Variants in KHK observed in about 807,000 individuals in gnomAD.
KHK encodes the protein ketohexokinase.
KHK carries 37 observed loss-of-function variants against 36.0 expected under a neutral mutation model. The ratio of observed to expected loss-of-function variants is 1.03; its 90% CI spans 0.79 to 1.35. The LOEUF is 1.35. Among genes scored for constraint, KHK ranks in the 40% most tolerant of loss-of-function variants. KHK has a pLI of 0.00. For missense variants in KHK, 395 were observed against 391.9 expected (o/e 1.01, Z -0.07); for synonymous variants, 161 against 162.8 (o/e 0.99, Z 0.08).
At position 27,099,905 on chromosome 2, in the gene KHK, A is replaced by G. The variant is rs1197134771; in HGVS notation, c.*155A>G. 1.3e-6 allele frequency: 2 copies of G among 1,502,360 alleles called. No individual in the cohort carries two copies. Among genetic ancestry groups the G allele is most frequent in the African/African-American group, 2.8e-5 (2 of 72,006 alleles). 93.1% of individuals were successfully genotyped at this position (1,502,360 alleles called of 1,614,324 possible). On this transcript the variant is annotated 3_prime_UTR_variant, in exon 8 of 8. Transcript: ENST00000260598. The stretch of plus-strand genomic sequence containing the variant: ...CCTGTGTCCTGTGTTCCCCACAGGG[A>G]GAGGCTCTGGGGGGATGGCTGGGGG...
At position 27,087,326 on chromosome 2, in the gene KHK, T is replaced by C. The variant is rs1489541241; in HGVS notation, c.67T>C (p.Tyr23His). The change falls in exon 1 of 8, where the codon TAC (tyrosine) becomes CAC (histidine). Residue 23 changes from tyrosine (Y) to histidine (H), a missense_variant. By Grantham distance (83) the Tyr-to-His change is moderately conservative (BLOSUM62 2). Transcript: ENST00000260598. ...VLDVISLVDK[Y>H]PKEDSEIRCL... ...GGACGTCATCAGCCTGGTGGACAAG[T>C]ACCCTAAGGAGGACTCGGAGATAAG... The C allele has an allele frequency of 6.3e-7, 1 of 1,598,514 alleles. No homozygotes were observed. The highest frequency in any genetic ancestry group is 1.7e-5 in the Admixed American group (1 of 57,976).
chr2:27,088,115 T>TG (rs1370553009), intron 1 of KHK: 1 of 145,258 alleles, frequency 6.9e-6, no homozygotes, highest in African/African-American at 2.6e-5. Context: ...TTTTTTTTTT[T>TG]TTTTTTTTTT....
At chr2:27,094,542 G>T in intron 2 of KHK, 1 of 1,614,086 alleles carries the variant, frequency 6.2e-7, no homozygotes, top group Non-Finnish European at 8.5e-7. Context: ...CAGACCACAG[G>T]CTCCGTCCCC....
rs201707861 is a variant in KHK, at chr2:27,097,585, G to T, written c.500G>T (p.Arg167Leu). The T allele has an allele frequency of 4.0e-5, 64 of 1,614,040 alleles. No homozygotes were observed. The South Asian group carries it at 4.4e-4, about 11-fold the overall frequency. The change falls in exon 5 of 8, where the codon CGG (arginine) becomes CTG (leucine). Residue 167 changes from arginine to leucine, a missense_variant. Transcript: ENST00000260598. ...NTRQPPEQKIRVSVEVEKPRE... is the reference protein window; with the variant it reads ...NTRQPPEQKILVSVEVEKPRE... ...AGGCAGCCTCCAGAGCAGAAGATCCGGGTGTCCGTGGAGGTGGAGAAGCCA... is the reference window on the plus strand; with the variant it reads ...AGGCAGCCTCCAGAGCAGAAGATCCTGGTGTCCGTGGAGGTGGAGAAGCCA...
At chr2:27,087,602 C>A (rs1669736905) in intron 1 of KHK, among the ~76,000 whole-genome samples, 1 of 147,554 alleles carries the variant, frequency 6.8e-6, no homozygotes, top group Admixed American at 6.6e-5. Context: ...TCAACTCAGG[C>A]ATCAGGTGTC....
chr2:27,100,104 G>A lies in KHK; in HGVS notation c.*354G>A, dbSNP rs1670718614. The A allele has an allele frequency of 3.5e-6, 2 of 574,970 alleles. No homozygotes were observed. The highest frequency in any genetic ancestry group is 6.2e-6 in the Non-Finnish European group (2 of 322,826). 35.6% of individuals were successfully genotyped at this position (574,970 alleles called of 1,614,324 possible). ...CAGAGGAGGGGCTGCCTGGGCTAGA[G>A]CAGCGAGAAGTGCCCTGGGCTTGCC... is the stretch of plus-strand genomic sequence containing the variant. On this transcript the variant is annotated 3_prime_UTR_variant, in exon 8 of 8. Transcript: ENST00000260598.
chr2:27,096,671 G>C (rs1027564327), intron 3 of KHK, 58 bp from the exon 4 acceptor site: 1 of 1,391,198 alleles, frequency 7.2e-7, no homozygotes, highest in South Asian at 1.2e-5. Context: ...TAGAGATCCT[G>C]GCTCTGCCTG....
At position 27,097,515 on chromosome 2, in the gene KHK, T is replaced by C; in HGVS notation, c.430T>C (p.Ser144Pro). ...TGTCCTGTACCAGGGCCGGAACGCA[T>C]CGGAGCAGGTGAAGATGCTGCAGCG... ...KWIHIEGRNA[S>P]EQVKMLQRID... Residue 144 changes from serine to proline, a missense_variant, in exon 5 of 8, where the codon TCG becomes CCG. Physicochemically the swap from Ser to Pro is moderately conservative, Grantham distance 74. Coordinates refer to ENST00000260598, the MANE Select transcript of KHK (RefSeq NM_006488.3). The C allele has an allele frequency of 1.2e-6, 2 of 1,613,694 alleles. No individual in the cohort carries two copies. Among genetic ancestry groups the C allele is most frequent in the Non-Finnish European group, 1.7e-6 (2 of 1,180,032 alleles).
At chr2:27,092,251 A>T in intron 1 of KHK, 81 bp from the exon 2 acceptor site, 1 of 1,080,572 alleles carries the variant, frequency 9.3e-7, no homozygotes, top group Non-Finnish European at 1.4e-6. Flanking sequence ...CCCAGCTGTT[A>T]CATTCTGTAG....
rs1670698055 is a variant in KHK at position 27,099,863 on chromosome 2, C to A, written c.*113C>A. ...GCCCTGTTCAGGGGACAGATGCAAG[C>A]TGTGGGGAGGACTCTGCCTGTGTCC... On this transcript the variant is annotated 3_prime_UTR_variant, in exon 8 of 8. Transcript: ENST00000260598. The A allele has an allele frequency of 5.8e-6, 9 of 1,551,392 alleles. No individual in the cohort carries two copies. Among genetic ancestry groups the A allele is most frequent in the Non-Finnish European group, 7.0e-6 (8 of 1,147,680 alleles).
Position 27,099,959 on chromosome 2 carries a change from C to T in KHK, c.*209C>T, listed in dbSNP as rs1670706896. Reference sequence around the variant, plus strand: ...CAGAGCCTCAGAGCAAATAAATCTTCCTCAGAGCCAGCTTCTCCTCTCAAT... The same window carrying T: ...CAGAGCCTCAGAGCAAATAAATCTTTCTCAGAGCCAGCTTCTCCTCTCAAT... On this transcript the variant is annotated 3_prime_UTR_variant, in exon 8 of 8. Transcript: ENST00000260598. 5.5e-6 allele frequency: 6 copies of T among 1,099,680 alleles called. 1 individual carries two copies. The highest frequency in any genetic ancestry group is 2.7e-5 in the South Asian group (2 of 73,680). The allele number at this position is 1,099,680 out of a possible 1,614,324, so 68.1% of individuals were successfully genotyped here. A position where few individuals can be genotyped will look rare whatever the true frequency, so the allele number is the denominator to read the frequency against.
chr2:27,092,766 T>C (rs116027523), intron 2 of KHK, among the ~76,000 whole-genome samples: 1,630 of 152,228 alleles, frequency 0.011, 25 homozygotes, highest in African/African-American at 0.037. Context: ...CTTTGCCTTA[T>C]CTTAAGTCCC....
rs754789918 is a variant in KHK at position 27,099,445 on chromosome 2, G to A, written c.679G>A (p.Glu227Lys). The A allele has an allele frequency of 6.8e-6, 11 of 1,613,716 alleles. No individual in the cohort carries two copies. The highest frequency in any genetic ancestry group is 2.2e-5 in the East Asian group (1 of 44,862). Residue 227 changes from glutamate (E) to lysine (K), a missense_variant, in exon 7 of 8, where the codon GAG becomes AAG. Glu to Lys is a moderately conservative substitution (Grantham distance 56). Transcript: ENST00000260598. ...KGAVLVCAWA[E>K]EGADALGPDG... ...GGCTGTGCTTGTCTGTGCCTGGGCT[G>A]AGGAGGGCGCCGACGCCCTGGGCCC...
intron 1 of KHK, among the ~76,000 whole-genome samples, chr2:27,088,579 AT>A (rs1014500680): frequency 6.7e-6 from 1 of 150,014 alleles, no homozygotes; most frequent in African/African-American, 2.4e-5. Flanking sequence ...TGCCCCACTA[AT>A]TTTTTTTTTC....
chr2:27,094,723 C>T (rs1670230050), intron 2 of KHK, 77 bp from the exon 3 acceptor site: 1 of 1,613,348 alleles, frequency 6.2e-7, no homozygotes, highest in African/African-American at 1.3e-5. Context: ...CTCCCCACTC[C>T]TTTTGGAGGT....
chr2:27,098,726 T>C (rs60505209), intron 5 of KHK, among the ~76,000 whole-genome samples: 9 of 152,306 alleles, frequency 5.9e-5, no homozygotes, highest in East Asian at 1.9e-4. Context: ...GAGGACATAG[T>C]TGTGGGAAAA....
In KHK at chr2:27,097,523, G is replaced by C; in HGVS notation, c.438G>C (p.Gln146His). The C allele has an allele frequency of 1.2e-6, 2 of 1,613,862 alleles. No individual in the cohort carries two copies. Among genetic ancestry groups the C allele is most frequent in the Non-Finnish European group, 1.7e-6 (2 of 1,180,040 alleles). The change falls in exon 5 of 8, where the codon CAG becomes CAC. Residue 146 changes from glutamine (Q) to histidine (H), a missense_variant. Gln to His is a conservative substitution (Grantham distance 24). Transcript: ENST00000260598. ...ACCAGGGCCGGAACGCATCGGAGCA[G>C]GTGAAGATGCTGCAGCGGATAGACG... ...IHIEGRNASE[Q>H]VKMLQRIDAH...
chr2:27,086,777 G>T lies in KHK; in HGVS notation c.-483G>T. Reference sequence around the variant, plus strand: ...CCGCCGCGACCGCGGGCTTCAGGCAGGGCTGCAGATGCGAGGCCCAGCTGT... The same window carrying T: ...CCGCCGCGACCGCGGGCTTCAGGCATGGCTGCAGATGCGAGGCCCAGCTGT... On this transcript the variant is annotated 5_prime_UTR_variant, in exon 1 of 8. The change creates a new upstream start codon in the 5' untranslated region. Coordinates refer to ENST00000260598, the MANE Select transcript of KHK (RefSeq NM_006488.3). 6.5e-6 allele frequency: 1 copy of T among 152,898 alleles called. No homozygotes were observed. The highest frequency in any genetic ancestry group is 2.0e-4 in the South Asian group (1 of 5,072). The allele number at this position is 152,898 out of a possible 1,614,324, so 9.5% of individuals were successfully genotyped here.
intron 3 of KHK, among the ~76,000 whole-genome samples, chr2:27,096,475 G>A (rs929345283): frequency 6.6e-6 from 1 of 152,132 alleles, no homozygotes; most frequent in African/African-American, 2.4e-5. Flanking sequence ...CACAGACCTT[G>A]CCAGTTGACA....
Sources: allele counts gnomAD v4.1 joint callset (sites outside exome capture counted in the v4.1 genomes callset), GRCh38; gene constraint gnomAD v4.1.1; transcripts MANE v1.5; gene names NCBI Gene and HGNC (gene_info 2026-07-23, HGNC 2026-07-21).